RABGAP1L: variants seen among roughly 807,000 people sequenced by gnomAD.
RABGAP1L encodes the protein RAB GTPase activating protein 1 like, also known as rab GTPase-activating protein 1-like.
RABGAP1L carries 63 observed loss-of-function variants against 137.7 expected under a neutral mutation model. The observed-to-expected ratio is 0.46, with a 90% CI of 0.37 to 0.56. RABGAP1L has a LOEUF of 0.56. Ranked by LOEUF, RABGAP1L falls within the 20% of genes least tolerant of loss-of-function variation. The pLI is 0.00. For synonymous variants in RABGAP1L, 431 were observed against 433.7 expected (o/e 0.99, Z 0.08); for missense variants, 1,095 against 1,244.0 (o/e 0.88, Z 1.80).
chr1:174,174,195 T>TACACACAC lies in RABGAP1L; in HGVS notation c.-34+14570_-34+14577dup, dbSNP rs56864336. Among the ~76,000 whole-genome samples the TACACACAC allele has an allele frequency of 1.0e-3, 150 of 145,680 alleles. 1 individual carries two copies. The highest frequency in any genetic ancestry group is 1.5e-3 in the Non-Finnish European group (101 of 65,700). ...AGCAATGAAGAAATTGGAAAAAAAA[T>TACACACAC]ACACACACACACACACACACACACA... On this transcript the variant is annotated intron_variant, in intron 1 of 25. Transcript: ENST00000681986.
At chr1:174,494,573 A>T (rs947638046) in intron 13 of RABGAP1L, among the ~76,000 whole-genome samples, 4 of 152,158 alleles carry the variant, frequency 2.6e-5, no homozygotes, top group Non-Finnish European at 5.9e-5. Flanking sequence ...TATTTAGATG[A>T]TTAAAGTTAA....
chr1:174,968,559 T>A (rs1024967917), intron 20 of RABGAP1L, among the ~76,000 whole-genome samples: 1 of 152,084 alleles, frequency 6.6e-6, no homozygotes, highest in African/African-American at 2.4e-5. Flanking sequence ...TTTGTTTTTT[T>A]ATCATGTAAC....
intron 8 of RABGAP1L, among the ~76,000 whole-genome samples, chr1:174,275,581 T>G (rs1377177954): frequency 6.6e-6 from 1 of 152,184 alleles, no homozygotes; most frequent in Non-Finnish European, 1.5e-5. Flanking sequence ...TGATTCAGCA[T>G]GTAAGTATAT....
At chr1:174,485,959 A>T (rs1241227248) in intron 13 of RABGAP1L, among the ~76,000 whole-genome samples, 1 of 152,180 alleles carries the variant, frequency 6.6e-6, no homozygotes, top group Non-Finnish European at 1.5e-5. Flanking sequence ...CAGCGAAGCC[A>T]TCAGGTCCTG....
chr1:174,195,997 G>A (rs552584885), intron 1 of RABGAP1L, among the ~76,000 whole-genome samples: 1 of 150,276 alleles, frequency 6.7e-6, no homozygotes, highest in East Asian at 2.0e-4. Flanking sequence ...CACCATGCCT[G>A]GCTAATTTTT....
In RABGAP1L at chr1:174,683,526, A is replaced by C. The variant is rs1335271019; in HGVS notation, c.1829A>C (p.Tyr610Ser). ...TTCTTTTCATCTTTTCTCTAGGCCT[A>C]CTCTGTGTATGATGAAGACATTGGG... ...QESLYKICKA[Y>S]SVYDEDIGYC... Residue 610 changes from tyrosine (Y) to serine (S), a missense_variant, in exon 15 of 26, where the codon TAC (tyrosine) becomes TCC (serine). Physicochemically the swap from Tyr to Ser is moderately radical, Grantham distance 144 (BLOSUM62 -2). Around this residue, in one of 4 missense-constraint regions of RABGAP1L, gnomAD observed 315 missense variants for 324.8 expected, o/e 0.97. Transcript: ENST00000681986. The C allele has an allele frequency of 6.3e-7, 1 of 1,597,158 alleles. No individual in the cohort carries two copies. The highest frequency in any genetic ancestry group is 1.3e-5 in the African/African-American group (1 of 74,340).
At chr1:174,944,274 CAAAAAAAAAAA>C (rs56225773) in intron 19 of RABGAP1L, among the ~76,000 whole-genome samples, 104 of 50,860 alleles carry the variant, frequency 2.0e-3, no homozygotes, top group Non-Finnish European at 3.4e-3. Flanking sequence ...AAGACTGTCT[CAAAAAAAAAAA>C]AAAAAAAAAA....
chr1:174,161,697 C>G (rs1664471323), intron 1 of RABGAP1L, among the ~76,000 whole-genome samples: 1 of 152,008 alleles, frequency 6.6e-6, no homozygotes, highest in Admixed American at 6.6e-5. Flanking sequence ...TACAAACCAA[C>G]CTAAAAAAGT....
chr1:174,337,689 A>G (rs1389018651), intron 11 of RABGAP1L, among the ~76,000 whole-genome samples: 1 of 152,150 alleles, frequency 6.6e-6, no homozygotes, highest in Admixed American at 6.5e-5. Context: ...AGAAATAGAA[A>G]ATGACTGATT....
Position 174,231,057 on chromosome 1 carries a change from A to G in RABGAP1L, c.332-88A>G, listed in dbSNP as rs537919995. On this transcript the variant is annotated intron_variant, in intron 3 of 25. Coordinates refer to ENST00000681986, the MANE Select transcript of RABGAP1L (RefSeq NM_001366446.1). ...GAGAGACCTAGATTTTGTTTGAAAT[A>G]TTTCATTTCTTTTTGGGCATTGGCA... 708 of 936,250 alleles carry G rather than the reference A, an allele frequency of 7.6e-4. 4 individuals are homozygous for G. The highest frequency in any genetic ancestry group is 6.7e-3 in the Middle Eastern group (25 of 3,720). 58.0% of individuals were successfully genotyped at this position (936,250 alleles called of 1,614,324 possible).
intron 13 of RABGAP1L, among the ~76,000 whole-genome samples, chr1:174,635,241 T>G (rs1206475713): frequency 2.6e-5 from 4 of 152,142 alleles, no homozygotes; most frequent in East Asian, 1.9e-4. Context: ...TTCTCTCTCT[T>G]AATGTCCTGA....
chr1:174,940,135 T>G (rs995182572), intron 19 of RABGAP1L, among the ~76,000 whole-genome samples: 2 of 152,230 alleles, frequency 1.3e-5, no homozygotes, highest in African/African-American at 4.8e-5. Context: ...TTCCCATGAC[T>G]AGGAAAACTT....
At chr1:174,920,327 AAG>A (rs1338352025) in intron 19 of RABGAP1L, among the ~76,000 whole-genome samples, 1 of 152,286 alleles carries the variant, frequency 6.6e-6, no homozygotes, top group East Asian at 1.9e-4. Context: ...GCAGCAGGCA[AAG>A]AGAGAGCTGG....
chr1:174,542,446 T>G lies in RABGAP1L; in HGVS notation c.1711-94929T>G, dbSNP rs550817640. ...TGTGGGATCTGTGGTGATATCCCCT[T>G]TATCATTTTTTATTGCATCTATTTG... is the stretch of plus-strand genomic sequence containing the variant. On this transcript the variant is annotated intron_variant, in intron 13 of 25. Coordinates refer to ENST00000681986, the MANE Select transcript of RABGAP1L (RefSeq NM_001366446.1). Among the ~76,000 whole-genome samples, 23 of 152,220 alleles carry G rather than the reference T, an allele frequency of 1.5e-4. 1 individual carries two copies. Among genetic ancestry groups the G allele is most frequent in the Non-Finnish European group, 2.9e-4 (20 of 68,038 alleles).
chr1:174,540,635 T>C (rs957183186), intron 13 of RABGAP1L, among the ~76,000 whole-genome samples: 2 of 152,208 alleles, frequency 1.3e-5, no homozygotes, highest in African/African-American at 4.8e-5. Context: ...AGGGCTCTGT[T>C]CTGTTCCATT....
intron 14 of RABGAP1L, among the ~76,000 whole-genome samples, chr1:174,664,350 C>T (rs1341015622): frequency 6.6e-6 from 1 of 152,150 alleles, no homozygotes; most frequent in African/African-American, 2.4e-5. Flanking sequence ...TTAACTACTT[C>T]ACTATTTGAA....
chr1:174,735,856 AG>A (rs1220654296), intron 17 of RABGAP1L, among the ~76,000 whole-genome samples: 2 of 152,148 alleles, frequency 1.3e-5, no homozygotes, highest in African/African-American at 4.8e-5. Flanking sequence ...GTGAACCACC[AG>A]AGCCAGAATT....
intron 13 of RABGAP1L, among the ~76,000 whole-genome samples, chr1:174,523,567 G>A (rs1663613803): frequency 6.6e-6 from 1 of 152,152 alleles, no homozygotes; most frequent in African/African-American, 2.4e-5. Flanking sequence ...CATAAAATGT[G>A]TAATGATCAA....
intron 13 of RABGAP1L, among the ~76,000 whole-genome samples, chr1:174,433,122 G>C (rs1042890814): frequency 6.6e-6 from 1 of 152,130 alleles, no homozygotes; most frequent in Non-Finnish European, 1.5e-5. Context: ...CCATTTTAAA[G>C]ATAGAAGCTG....
Sources: gnomAD v4.1 joint callset for allele counts (sites outside exome capture counted in the v4.1 genomes callset) on GRCh38, gnomAD v4.1.1 for gene constraint, gnomAD v4.1.1 regional missense constraint, MANE v1.5 for transcripts, NCBI Gene and HGNC (gene_info 2026-07-23, HGNC 2026-07-21) for gene names.